Variants in FAM117B observed in about 807,000 individuals in gnomAD.
FAM117B encodes family with sequence similarity 117 member B, also known as protein FAM117B.
In FAM117B, 22 loss-of-function variants were observed where a neutral mutation model predicts 52.8. That is an observed-to-expected ratio of 0.42 (90% confidence interval 0.30 to 0.59). The LOEUF (loss-of-function observed/expected upper bound fraction) is 0.59. Among genes scored for constraint, FAM117B ranks in the 20% least tolerant of loss-of-function variants. FAM117B has a pLI of 0.22. For synonymous variants in FAM117B, 309 were observed against 324.1 expected, an observed-to-expected ratio of 0.95 and a Z score of 0.50; for missense variants, 678 against 802.6, an observed-to-expected ratio of 0.84 and a Z score of 1.88.
chr2:202,673,691 G>T (rs1211775076), intron 1 of FAM117B, among the ~76,000 whole-genome samples: 1 of 151,668 alleles, frequency 6.6e-6, no homozygotes, highest in South Asian at 2.1e-4. Flanking sequence ...CAGGTGATCC[G>T]CCTGTCTCGG....
chr2:202,693,800 G>A (rs6741288), intron 1 of FAM117B, among the ~76,000 whole-genome samples: 16,151 of 152,092 alleles, frequency 0.11, 2,882 homozygotes, highest in African/African-American at 0.37. Context: ...GCCGTAATGT[G>A]TCCAATCATC....
chr2:202,683,736 A>G (rs1007342678), intron 1 of FAM117B, among the ~76,000 whole-genome samples: 4 of 152,252 alleles, frequency 2.6e-5, no homozygotes, highest in African/African-American at 9.6e-5. Context: ...GTTTTAAGAA[A>G]GAAAAAATAC....
At chr2:202,667,054 T>C (rs888195381) in intron 1 of FAM117B, among the ~76,000 whole-genome samples, 2 of 152,120 alleles carry the variant, frequency 1.3e-5, no homozygotes, top group Admixed American at 1.3e-4. Context: ...AGTAAAAATG[T>C]CGTAAAAACT....
chr2:202,727,946 C>G (rs546109828), intron 4 of FAM117B, among the ~76,000 whole-genome samples: 1 of 152,034 alleles, frequency 6.6e-6, no homozygotes, highest in Admixed American at 6.6e-5. Context: ...TATTAATACT[C>G]GGGTCAGATT....
chr2:202,704,844 G>T (rs1017255474), intron 2 of FAM117B, among the ~76,000 whole-genome samples: 5 of 151,858 alleles, frequency 3.3e-5, no homozygotes, highest in Non-Finnish European at 7.4e-5. Flanking sequence ...CAGGTAATCC[G>T]CCTGCCTCAG....
At chr2:202,708,854 T>G (rs1690917087) in intron 2 of FAM117B, among the ~76,000 whole-genome samples, 1 of 152,064 alleles carries the variant, frequency 6.6e-6, no homozygotes, top group Admixed American at 6.6e-5. Flanking sequence ...TCCTCCCACC[T>G]CAGCCTCTCC....
chr2:202,635,197 C>T lies in FAM117B; in HGVS notation c.10C>T (p.Arg4Trp). The part of the protein sequence containing the change: MSQ[R>W]VRRNGSPTPA... Reference sequence around the variant, plus strand: ...GGGGAGGGGGGGGACCATGTCCCAGCGGGTGAGGCGCAATGGGTCCCCCAC... The same window carrying T: ...GGGGAGGGGGGGGACCATGTCCCAGTGGGTGAGGCGCAATGGGTCCCCCAC... The change falls in exon 1 of 8, where the codon CGG becomes TGG. Residue 4 changes from arginine to tryptophan, a missense_variant. Arg to Trp is a moderately radical substitution (Grantham distance 101). Transcript: ENST00000392238. The T allele has an allele frequency of 1.6e-6, 2 of 1,283,314 alleles. No individual in the cohort carries two copies. Among genetic ancestry groups the T allele is most frequent in the Non-Finnish European group, 9.9e-7 (1 of 1,013,332 alleles). 79.5% of individuals were successfully genotyped at this position (1,283,314 alleles called of 1,614,324 possible). A position where few individuals can be genotyped will look rare whatever the true frequency, so the allele number is the denominator to read the frequency against.
chr2:202,638,725 T>C (rs1174381334), intron 1 of FAM117B, among the ~76,000 whole-genome samples: 1 of 152,180 alleles, frequency 6.6e-6, no homozygotes, highest in Non-Finnish European at 1.5e-5. Context: ...TCCCAGCACT[T>C]TGGGAGGCCG....
At chr2:202,759,387 C>T (rs567045042) in intron 7 of FAM117B, 34 bp downstream of exon 7, 1 of 1,593,928 alleles carries the variant, frequency 6.3e-7, no homozygotes, top group South Asian at 1.2e-5. Context: ...CACAAAAAAA[C>T]TATTATGAGC....
intron 2 of FAM117B, among the ~76,000 whole-genome samples, chr2:202,700,232 G>A (rs971581477): frequency 1.3e-5 from 2 of 152,212 alleles, no homozygotes; most frequent in African/African-American, 2.4e-5. Context: ...AGCAAGGCAC[G>A]TCAAAAGCTG....
At chr2:202,668,691 T>C (rs1238859268) in intron 1 of FAM117B, among the ~76,000 whole-genome samples, 2 of 151,720 alleles carry the variant, frequency 1.3e-5, no homozygotes, top group Non-Finnish European at 2.9e-5. Context: ...TATAGGATGG[T>C]AGATTTTGGG....
intron 1 of FAM117B, among the ~76,000 whole-genome samples, chr2:202,679,151 A>G (rs13023941): frequency 0.026 from 3,964 of 152,332 alleles, 82 homozygotes; most frequent in South Asian, 0.092. Flanking sequence ...TGGTCAAAAG[A>G]TATCATCAAA....
Position 202,635,034 on chromosome 2 carries a change from T to A in FAM117B, c.-154T>A, listed in dbSNP as rs1689647638. ...GGCGGCGGCTGCACCACCTCGTTGCTGCCTGCCCCGGCCCGGTCTCCCCCT... is the reference window on the plus strand; with the variant it reads ...GGCGGCGGCTGCACCACCTCGTTGCAGCCTGCCCCGGCCCGGTCTCCCCCT... On this transcript the variant is annotated 5_prime_UTR_variant, in exon 1 of 8. Transcript: ENST00000392238. 6.8e-6 allele frequency among the ~76,000 whole-genome samples: 1 copy of A among 147,016 alleles called. No homozygotes were observed.
chr2:202,733,171 G>T (rs1456592623), intron 4 of FAM117B, among the ~76,000 whole-genome samples: 1 of 152,172 alleles, frequency 6.6e-6, no homozygotes, highest in Non-Finnish European at 1.5e-5. Context: ...TTTAAAAGGG[G>T]AGGGGGTGTA....
In FAM117B at chr2:202,733,718, G is replaced by A. The variant is rs568145455; in HGVS notation, c.960+7355G>A. Among the ~76,000 whole-genome samples, 12 of 152,208 alleles carry A rather than the reference G, an allele frequency of 7.9e-5. No individual in the cohort carries two copies. In the South Asian group the frequency reaches 1.2e-3, roughly 16 times the overall value. Reference sequence around the variant, plus strand: ...CCCTAAAATCGCTGTTATTCTGTTCGTTTTCAAGGTGCACTGATTTCATAT... The same window carrying A: ...CCCTAAAATCGCTGTTATTCTGTTCATTTTCAAGGTGCACTGATTTCATAT... On this transcript the variant is annotated intron_variant, in intron 4 of 7. Transcript: ENST00000392238.
chr2:202,716,530 T>G (rs1691059639), intron 2 of FAM117B, among the ~76,000 whole-genome samples: 1 of 152,040 alleles, frequency 6.6e-6, no homozygotes, highest in African/African-American at 2.4e-5. Flanking sequence ...TGCTTTTTAT[T>G]TTTAGTGTAT....
chr2:202,710,315 T>G (rs1690936917), intron 2 of FAM117B, among the ~76,000 whole-genome samples: 1 of 152,160 alleles, frequency 6.6e-6, no homozygotes, highest in African/African-American at 2.4e-5. Context: ...TTTTTTAGTT[T>G]TCTGTATATA....
At position 202,714,352 on chromosome 2, in the gene FAM117B, T is replaced by C. The variant is rs558539241; in HGVS notation, c.754-10565T>C. Among the ~76,000 whole-genome samples the C allele has an allele frequency of 3.9e-4, 60 of 152,208 alleles. No individual in the cohort carries two copies. In the South Asian group the frequency reaches 0.012, roughly 31 times the overall value. On this transcript the variant is annotated intron_variant, in intron 2 of 7. Transcript: ENST00000392238. ...TTTATAGTATAGATTGAGTCTGATT[T>C]TTTTGTTGTTGATTTTATGTATAAA...
intron 1 of FAM117B, among the ~76,000 whole-genome samples, chr2:202,654,090 A>AGG (rs1690016383): frequency 6.9e-6 from 1 of 145,656 alleles, no homozygotes; most frequent in South Asian, 2.1e-4. Context: ...AGAGAGAGAG[A>AGG]GAGAGAGTGA....
Sources: allele counts gnomAD v4.1 joint callset (sites outside exome capture counted in the v4.1 genomes callset), GRCh38; gene constraint gnomAD v4.1.1; transcripts MANE v1.5; gene names NCBI Gene and HGNC (gene_info 2026-07-23, HGNC 2026-07-21).